Variants in MTMR2 observed in about 807,000 individuals in gnomAD.
MTMR2 encodes the protein phosphatidylinositol-3,5-bisphosphate 3-phosphatase MTMR2.
A neutral mutation model predicts 86.9 loss-of-function variants in MTMR2; 55 were observed. The ratio of observed to expected loss-of-function variants is 0.63; its 90% CI spans 0.51 to 0.79. MTMR2 has a LOEUF of 0.79. Ranked by LOEUF, MTMR2 falls within the 30% of genes least tolerant of loss-of-function variation. The pLI is 0.00. For synonymous variants in MTMR2, 241 were observed against 266.8 expected (o/e 0.90, Z 0.94); for missense variants, 659 against 772.3 (o/e 0.85, Z 1.74).
chr11:95,892,066 T>C (rs1865733901), intron 1 of MTMR2, among the ~76,000 whole-genome samples: 1 of 152,234 alleles, frequency 6.6e-6, no homozygotes, highest in Non-Finnish European at 1.5e-5. Flanking sequence ...TCATACTGGC[T>C]CTGTGCATGC....
intron 12 of MTMR2, among the ~76,000 whole-genome samples, chr11:95,839,483 T>TA (rs1226679362): frequency 1.3e-5 from 2 of 152,114 alleles, no homozygotes; most frequent in Non-Finnish European, 2.9e-5. Flanking sequence ...TTAGCTCAGT[T>TA]ATGAGAAGAC....
At chr11:95,921,474 G>A (rs1391992597) in intron 1 of MTMR2, among the ~76,000 whole-genome samples, 1 of 152,190 alleles carries the variant, frequency 6.6e-6, no homozygotes, top group Non-Finnish European at 1.5e-5. Context: ...AATCTAGATA[G>A]ACACTTAACA....
chr11:95,862,474 T>C, intron 3 of MTMR2, 108 bp from the exon 4 acceptor site: 1 of 858,664 alleles, frequency 1.2e-6, no homozygotes, highest in South Asian at 1.4e-5. Context: ...TGCTGAAAAA[T>C]AACAGAACCA....
chr11:95,905,335 A>ATG (rs1565383914), intron 1 of MTMR2, among the ~76,000 whole-genome samples: 2,024 of 93,278 alleles, frequency 0.022, 28 homozygotes, highest in Middle Eastern at 0.035. Context: ...ACCTGCGCAC[A>ATG]CACACACACA....
chr11:95,903,032 A>T (rs555173111), intron 1 of MTMR2, among the ~76,000 whole-genome samples: 1 of 152,290 alleles, frequency 6.6e-6, no homozygotes, highest in African/African-American at 2.4e-5. Flanking sequence ...TACTGATTCC[A>T]ATTTACATAA....
At chr11:95,853,988 GT>G (rs1864118233) in intron 7 of MTMR2, among the ~76,000 whole-genome samples, 1 of 152,066 alleles carries the variant, frequency 6.6e-6, no homozygotes, top group African/African-American at 2.4e-5. Flanking sequence ...CCATATCCTT[GT>G]AAAAACACTA....
Position 95,857,651 on chromosome 11 carries a change from C to A in MTMR2, c.571-16G>T. ...CAAAAAGAGGCTACAAAAAAGTAAA[C>A]AATGGTAAGAGCTAAAAAAGATATT... On this transcript the variant is annotated splice_polypyrimidine_tract_variant and intron_variant, in intron 6 of 14. Transcript: ENST00000346299. The A allele has an allele frequency of 2.0e-6, 3 of 1,503,524 alleles. No individual in the cohort carries two copies. The highest frequency in any genetic ancestry group is 2.8e-6 in the Non-Finnish European group (3 of 1,082,856). The allele number at this position is 1,503,524 out of a possible 1,614,324, so 93.1% of individuals were successfully genotyped here.
chr11:95,908,073 T>C (rs1866351909), intron 1 of MTMR2, among the ~76,000 whole-genome samples: 1 of 152,074 alleles, frequency 6.6e-6, no homozygotes, highest in African/African-American at 2.4e-5. Flanking sequence ...TTACAGATGA[T>C]ATATTTCATA....
chr11:95,870,731 CTTTTTCTTTT>C (rs1864836221), intron 2 of MTMR2, among the ~76,000 whole-genome samples: 1 of 129,974 alleles, frequency 7.7e-6, no homozygotes, highest in Admixed American at 7.4e-5. Flanking sequence ...TTCTTTTTTT[CTTTTTCTTTT>C]TTTTTTTATT....
intron 5 of MTMR2, among the ~76,000 whole-genome samples, chr11:95,861,597 T>C (rs1223221801): frequency 6.6e-6 from 1 of 151,982 alleles, no homozygotes; most frequent in African/African-American, 2.4e-5. Context: ...TTAATTTTTG[T>C]ATTTTTAGTA....
chr11:95,877,973 A>G (rs527971083), intron 2 of MTMR2, among the ~76,000 whole-genome samples: 3 of 152,008 alleles, frequency 2.0e-5, no homozygotes, highest in African/African-American at 7.2e-5. Flanking sequence ...CGAATGCCTA[A>G]TATCAATAAA....
chr11:95,843,348 TA>T (rs1345838189), intron 11 of MTMR2, among the ~76,000 whole-genome samples: 1 of 152,184 alleles, frequency 6.6e-6, no homozygotes. Flanking sequence ...ATTTTCCAAA[TA>T]ACCAATATGT....
chr11:95,844,939 G>C lies in MTMR2; in HGVS notation c.1386+14C>G, dbSNP rs756723447. The C allele has an allele frequency of 1.3e-6, 2 of 1,578,608 alleles. No homozygotes were observed. The highest frequency in any genetic ancestry group is 2.7e-5 in the African/African-American group (2 of 74,382). On this transcript the variant is annotated intron_variant, in intron 11 of 14. Coordinates refer to ENST00000346299, the MANE Select transcript of MTMR2 (RefSeq NM_016156.6). ...ATGCATGTGATATATCCAAAGTCAA[G>C]GTTCCTTACTTACTAGTTGAAATCG...
chr11:95,835,291 T>C lies in MTMR2; in HGVS notation c.1931A>G (p.Ter644=). 6.2e-7 allele frequency: 1 copy of C among 1,612,732 alleles called. No individual in the cohort carries two copies. Among genetic ancestry groups the C allele is most frequent in the Non-Finnish European group, 8.5e-7 (1 of 1,179,078 alleles). The change falls in exon 15 of 15, where the codon TAA becomes TGA. Residue 644 remains the stop codon, a stop_retained_variant. Transcript: ENST00000346299. ...QCVTPVQTVV[*] is the part of the protein sequence containing the mutation. ...TGATGCCCCTGATCTTACAGTCCTT[T>C]ATACAACAGTTTGGACAGGAGTGAC...
intron 1 of MTMR2, among the ~76,000 whole-genome samples, chr11:95,895,658 T>C (rs1488083046): frequency 6.6e-6 from 1 of 152,108 alleles, no homozygotes; most frequent in Non-Finnish European, 1.5e-5. Context: ...CTTGTGGGAA[T>C]GTAAAATGGT....
Position 95,893,965 on chromosome 11 carries a change from A to G in MTMR2, c.81-5704T>C, listed in dbSNP as rs147249569. On this transcript the variant is annotated intron_variant, in intron 1 of 14. Coordinates refer to ENST00000346299, the MANE Select transcript of MTMR2 (RefSeq NM_016156.6). ...CAATCCCTTGCTTAAATCTTCATTG[A>G]TTCCTCACTGCCTACAGAATCAAGC... 2.0e-5 allele frequency among the ~76,000 whole-genome samples: 3 copies of G among 152,278 alleles called. No homozygotes were observed. In the East Asian group the frequency reaches 5.8e-4, roughly 29 times the overall value.
At chr11:95,843,542 A>G (rs1863642031) in intron 11 of MTMR2, among the ~76,000 whole-genome samples, 2 of 152,220 alleles carry the variant, frequency 1.3e-5, no homozygotes, top group East Asian at 1.9e-4. Context: ...AATTCCCTGA[A>G]AAAGCTATTA....
chr11:95,844,544 C>A (rs892167034), intron 11 of MTMR2, among the ~76,000 whole-genome samples: 2 of 152,156 alleles, frequency 1.3e-5, no homozygotes, highest in African/African-American at 4.8e-5. Context: ...CAAGCCCCCA[C>A]ATATACCAAG....
chr11:95,863,482 T>C (rs1282767018), intron 3 of MTMR2, among the ~76,000 whole-genome samples: 1 of 152,178 alleles, frequency 6.6e-6, no homozygotes, highest in African/African-American at 2.4e-5. Flanking sequence ...AATGCATATT[T>C]CATTTAGAGG....
Sources: gnomAD v4.1 joint callset for allele counts (sites outside exome capture counted in the v4.1 genomes callset) on GRCh38, gnomAD v4.1.1 for gene constraint, MANE v1.5 for transcripts, NCBI Gene and HGNC (gene_info 2026-07-23, HGNC 2026-07-21) for gene names.